Variants in DPP6 observed in about 807,000 individuals in gnomAD.
DPP6 encodes the protein A-type potassium channel modulatory protein DPP6.
DPP6 carries 69 observed loss-of-function variants against 122.6 expected under a neutral mutation model. The observed-to-expected ratio is 0.56, with a 90% confidence interval of 0.46 to 0.69. DPP6 has a LOEUF of 0.69. Ranked by LOEUF, DPP6 falls within the 30% of genes least tolerant of loss-of-function variation. The pLI is 0.00. For synonymous variants in DPP6, 418 were observed against 433.1 expected (o/e 0.97, Z 0.43); for missense variants, 928 against 1,116.9 (o/e 0.83, Z 2.41).
chr7:154,662,437 A>G (rs1376548259), intron 6 of DPP6, among the ~76,000 whole-genome samples: 1 of 112,630 alleles, frequency 8.9e-6, no homozygotes, highest in Non-Finnish European at 1.9e-5. Flanking sequence ...TAGTGTTCAT[A>G]TAGTCATGGT....
chr7:154,591,744 T>A (rs1832818662), intron 5 of DPP6, among the ~76,000 whole-genome samples: 1 of 152,156 alleles, frequency 6.6e-6, no homozygotes, highest in Admixed American at 6.5e-5. Flanking sequence ...AGCTGCCAAA[T>A]GCATCGCCAG....
intron 1 of DPP6, among the ~76,000 whole-genome samples, chr7:153,935,604 A>G (rs1431623092): frequency 6.6e-6 from 1 of 152,148 alleles, no homozygotes; most frequent in South Asian, 2.1e-4. Context: ...TGCTTGGTAC[A>G]TGTCATTTTG....
chr7:154,515,462 ACCTTCCTT>A (rs375492094), intron 3 of DPP6, among the ~76,000 whole-genome samples: 1 of 149,832 alleles, frequency 6.7e-6, no homozygotes, highest in Non-Finnish European at 1.5e-5. Flanking sequence ...GTTCCTTCCT[ACCTTCCTT>A]CCTTCCTTCC....
intron 7 of DPP6, among the ~76,000 whole-genome samples, chr7:154,684,656 G>C (rs916191205): frequency 6.6e-6 from 1 of 152,128 alleles, no homozygotes; most frequent in Non-Finnish European, 1.5e-5. Context: ...CAATTACCAT[G>C]ACACCGTGTT....
intron 8 of DPP6, among the ~76,000 whole-genome samples, chr7:154,745,568 A>G (rs1240513071): frequency 1.3e-5 from 2 of 152,194 alleles, no homozygotes; most frequent in African/African-American, 2.4e-5. Context: ...AAACTGGGCA[A>G]TTTATAAAAA....
intron 12 of DPP6, among the ~76,000 whole-genome samples, chr7:154,797,211 A>G (rs1040750992): frequency 5.9e-5 from 9 of 152,232 alleles, no homozygotes; most frequent in African/African-American, 1.7e-4. Flanking sequence ...ACCAGGCACC[A>G]TGCTAGGCTG....
chr7:154,847,475 CTTAT>C (rs1374233657), intron 16 of DPP6, among the ~76,000 whole-genome samples: 1 of 152,072 alleles, frequency 6.6e-6, no homozygotes, highest in Non-Finnish European at 1.5e-5. Context: ...CTCAACACTA[CTTAT>C]TTATTATTGT....
chr7:154,035,492 C>T (rs1799473502), intron 1 of DPP6, among the ~76,000 whole-genome samples: 1 of 152,064 alleles, frequency 6.6e-6, no homozygotes, highest in African/African-American at 2.4e-5. Context: ...TTATTTCAGT[C>T]CCGCCTCACT....
intron 1 of DPP6, among the ~76,000 whole-genome samples, chr7:154,279,980 A>G (rs1225140947): frequency 6.6e-6 from 1 of 152,216 alleles, no homozygotes; most frequent in Non-Finnish European, 1.5e-5. Context: ...TTCAGGGCTT[A>G]TTAGGATATA....
At chr7:153,938,400 G>A (rs1801554259) in intron 1 of DPP6, among the ~76,000 whole-genome samples, 1 of 152,096 alleles carries the variant, frequency 6.6e-6, no homozygotes, top group Admixed American at 6.5e-5. Flanking sequence ...AATCCTTTTA[G>A]GAAAAATGAG....
chr7:154,808,801 C>T (rs938334252), intron 16 of DPP6, among the ~76,000 whole-genome samples: 4 of 152,188 alleles, frequency 2.6e-5, no homozygotes. Context: ...AATCAGAATC[C>T]ACAATCCTGT....
chr7:154,767,313 C>CGCAG (rs1208074695), intron 8 of DPP6, among the ~76,000 whole-genome samples: 4 of 152,144 alleles, frequency 2.6e-5, no homozygotes, highest in African/African-American at 9.7e-5. Context: ...GGCCCTGCAG[C>CGCAG]GCAGACGTGA....
At chr7:154,753,387 ATGCCGATTTGCAGGGGCAC>A (rs1843495159) in intron 8 of DPP6, among the ~76,000 whole-genome samples, 1 of 152,142 alleles carries the variant, frequency 6.6e-6, no homozygotes, top group Admixed American at 6.5e-5. Context: ...CCACAGATAC[ATGCCGATTTGCAGGGGCAC>A]CTGCACTGGG....
intron 1 of DPP6, among the ~76,000 whole-genome samples, chr7:154,244,535 A>G (rs2150882169): frequency 6.6e-6 from 1 of 152,270 alleles, no homozygotes; most frequent in African/African-American, 2.4e-5. Flanking sequence ...ACCTGACTGT[A>G]AAATGTATGA....
chr7:154,321,258 CAG>C (rs954335951), intron 1 of DPP6, among the ~76,000 whole-genome samples: 3 of 150,364 alleles, frequency 2.0e-5, no homozygotes, highest in Non-Finnish European at 4.4e-5. Context: ...GCCTAGGTGA[CAG>C]AGCCAGACCC....
intron 1 of DPP6, among the ~76,000 whole-genome samples, chr7:154,103,558 T>A (rs1805914765): frequency 6.6e-6 from 1 of 152,242 alleles, no homozygotes; most frequent in African/African-American, 2.4e-5. Flanking sequence ...GATTGAAGGA[T>A]GCCTAGATAG....
intron 3 of DPP6, among the ~76,000 whole-genome samples, chr7:154,507,232 A>G (rs988606093): frequency 3.9e-5 from 6 of 152,156 alleles, no homozygotes; most frequent in African/African-American, 1.4e-4. Flanking sequence ...CAAGTAGACA[A>G]TATTTAGAAA....
the DPP6 span, among the ~76,000 whole-genome samples, chr7:153,835,144 C>G: frequency 1.1e-4 from 17 of 152,206 alleles, no homozygotes; most frequent in Non-Finnish European, 2.4e-4. Flanking sequence ...TTATTTCTGT[C>G]TAACATATTG....
chr7:153,983,945 C>G (rs980270884), intron 1 of DPP6, among the ~76,000 whole-genome samples: 1 of 152,112 alleles, frequency 6.6e-6, no homozygotes, highest in Non-Finnish European at 1.5e-5. Context: ...CACCCACCTT[C>G]TGCATTGGTC....
Sources: gnomAD v4.1 joint callset for allele counts (sites outside exome capture counted in the v4.1 genomes callset) on GRCh38, gnomAD v4.1.1 for gene constraint, MANE v1.5 for transcripts, NCBI Gene and HGNC (gene_info 2026-07-23, HGNC 2026-07-21) for gene names.